GMDS: variants seen among roughly 807,000 people sequenced by gnomAD.
The protein encoded by GMDS is GDP-mannose 4,6-dehydratase, also known as GDP-mannose 4,6 dehydratase.
A neutral mutation model predicts 49.9 loss-of-function variants in GMDS; 20 were observed. The observed-to-expected ratio is 0.40, with a 90% CI of 0.28 to 0.58. The LOEUF (loss-of-function observed/expected upper bound fraction) is 0.58. GMDS is among the 20% of genes least tolerant of loss of function. The probability of loss-of-function intolerance (pLI) is 0.42; values close to 1 mark genes in which losing one functional copy is unlikely to be tolerated. For missense variants in GMDS, 362 were observed against 481.4 expected (o/e 0.75, Z 2.32); for synonymous variants, 177 against 178.6 (o/e 0.99, Z 0.07).
chr6:1,903,570 C>T (rs1249321126), intron 7 of GMDS, among the ~76,000 whole-genome samples: 1 of 152,228 alleles, frequency 6.6e-6, no homozygotes, highest in Non-Finnish European at 1.5e-5. Flanking sequence ...ATAAATCTCA[C>T]TGCATTTTTT....
At chr6:1,897,953 C>CTCCCTT (rs1561872737) in intron 7 of GMDS, among the ~76,000 whole-genome samples, 5 of 119,234 alleles carry the variant, frequency 4.2e-5, no homozygotes, top group African/African-American at 1.5e-4. Flanking sequence ...CTATCCTGGC[C>CTCCCTT]ACCCTTGCCA....
chr6:2,025,208 A>G (rs1164264148), intron 4 of GMDS, among the ~76,000 whole-genome samples: 1 of 152,138 alleles, frequency 6.6e-6, no homozygotes. Context: ...AAGACATTAA[A>G]GTTGATTTTT....
intron 4 of GMDS, among the ~76,000 whole-genome samples, chr6:1,962,555 C>T (rs1414957868): frequency 6.6e-6 from 1 of 152,170 alleles, no homozygotes; most frequent in African/African-American, 2.4e-5. Context: ...CCTACATAGA[C>T]TTGCTGTGGT....
intron 9 of GMDS, among the ~76,000 whole-genome samples, chr6:1,685,044 T>TA (rs1197317751): frequency 1.3e-5 from 2 of 150,558 alleles, no homozygotes; most frequent in Non-Finnish European, 3.0e-5. Flanking sequence ...TTACCCACCT[T>TA]AAAAAAAAGG....
intron 7 of GMDS, among the ~76,000 whole-genome samples, chr6:1,883,980 C>T (rs183870218): frequency 1.3e-3 from 194 of 152,234 alleles, no homozygotes; most frequent in Admixed American, 5.0e-3. Flanking sequence ...ATGGACAGAA[C>T]ATGGCCATCT....
rs1199208514 is a variant in GMDS at position 1,682,560 on chromosome 6, A to AT, written c.987+43855dup. ...TCTGCCCCAGTGCTGATGGCCTTTCATTTTTTTTTTTTTTTTTTTTTTTTT... is the reference window on the plus strand; with the variant it reads ...TCTGCCCCAGTGCTGATGGCCTTTCATTTTTTTTTTTTTTTTTTTTTTTTTT... On this transcript the variant is annotated intron_variant, in intron 9 of 10. Transcript: ENST00000380815. 2.5e-3 allele frequency among the ~76,000 whole-genome samples: 61 copies of AT among 24,338 alleles called. 11 individuals carry two copies. Among genetic ancestry groups the AT allele is most frequent in the East Asian group, 4.9e-3 (7 of 1,416 alleles). 16.0% of individuals were successfully genotyped at this position (24,338 alleles called of 152,430 possible).
At chr6:1,898,552 T>C (rs1393604197) in intron 7 of GMDS, among the ~76,000 whole-genome samples, 10 of 152,138 alleles carry the variant, frequency 6.6e-5, no homozygotes, top group African/African-American at 2.2e-4. Context: ...AGTTCCTAAG[T>C]CTGTAGGGGC....
intron 1 of GMDS, among the ~76,000 whole-genome samples, chr6:2,145,562 T>TA (rs1776513302): frequency 6.9e-6 from 1 of 145,774 alleles, no homozygotes; most frequent in Admixed American, 6.8e-5. Context: ...AATAAATAAA[T>TA]AAATAAAATA....
intron 9 of GMDS, among the ~76,000 whole-genome samples, chr6:1,690,904 G>C (rs1277097170): frequency 6.6e-6 from 1 of 152,214 alleles, no homozygotes; most frequent in Non-Finnish European, 1.5e-5. Context: ...CTTTTACACT[G>C]TTGGTGGGAA....
chr6:2,126,684 G>A (rs921633688), intron 1 of GMDS, among the ~76,000 whole-genome samples: 5 of 152,156 alleles, frequency 3.3e-5, no homozygotes, highest in African/African-American at 1.2e-4. Context: ...ACCCAGGCCG[G>A]AGTGCAGTGC....
Position 1,884,603 on chromosome 6 carries a change from T to C in GMDS, c.771+45500A>G, listed in dbSNP as rs536314591. 4.6e-5 allele frequency among the ~76,000 whole-genome samples: 7 copies of C among 152,368 alleles called. No homozygotes were observed. The East Asian group carries it at 9.6e-4, about 21-fold the overall frequency. On this transcript the variant is annotated intron_variant, in intron 7 of 10. Transcript: ENST00000380815. ...ATCAGAGCCTGCAGCCATTAAGTGA[T>C]AACTGAAGCAGTGGAATGCAAATAA...
chr6:2,031,009 G>C (rs1768922684), intron 4 of GMDS, among the ~76,000 whole-genome samples: 1 of 152,068 alleles, frequency 6.6e-6, no homozygotes, highest in Admixed American at 6.5e-5. Context: ...TCTACACCAG[G>C]GTCACAAATT....
At chr6:1,734,208 T>A (rs1421468924) in intron 8 of GMDS, among the ~76,000 whole-genome samples, 1 of 152,196 alleles carries the variant, frequency 6.6e-6, no homozygotes, top group African/African-American at 2.4e-5. Context: ...ATAATTATTC[T>A]AAGTAAGGGG....
intron 4 of GMDS, among the ~76,000 whole-genome samples, chr6:2,020,637 T>C (rs895722635): frequency 6.6e-6 from 1 of 151,672 alleles, no homozygotes; most frequent in Non-Finnish European, 1.5e-5. Flanking sequence ...AAAATCAAAA[T>C]CAGAGAGCCC....
At position 1,635,884 on chromosome 6, in the gene GMDS, T is replaced by G. The variant is rs951493779; in HGVS notation, c.988-11344A>C. Among the ~76,000 whole-genome samples the G allele has an allele frequency of 6.6e-6, 1 of 152,202 alleles. No individual in the cohort carries two copies. Among genetic ancestry groups the G allele is most frequent in the South Asian group, 2.1e-4 (1 of 4,832 alleles). On this transcript the variant is annotated intron_variant, in intron 9 of 10. Transcript: ENST00000380815. This position sits in a 1 kb window ranked among gnomAD's most constrained non-coding sequence, Gnocchi z 4.7. ...CACCTCCAGCACTGCGTCTGGGAGC[T>G]GCTCTTCTCTGCTCTCAGCTGGGGC...
intron 6 of GMDS, among the ~76,000 whole-genome samples, chr6:1,949,965 A>T (rs1202734233): frequency 6.6e-6 from 1 of 152,248 alleles, no homozygotes; most frequent in Non-Finnish European, 1.5e-5. Flanking sequence ...AAATACAAAC[A>T]AAATATTAAG....
intron 7 of GMDS, among the ~76,000 whole-genome samples, chr6:1,853,743 G>A (rs1757818857): frequency 6.6e-6 from 1 of 152,186 alleles, no homozygotes; most frequent in Non-Finnish European, 1.5e-5. Flanking sequence ...TAGTCTGGGA[G>A]ATAGAACCAA....
intron 4 of GMDS, among the ~76,000 whole-genome samples, chr6:2,019,792 G>A (rs1407052234): frequency 1.3e-5 from 2 of 152,088 alleles, no homozygotes; most frequent in African/African-American, 4.8e-5. Context: ...TATCATGAAA[G>A]GGTGTTTTAT....
At chr6:1,886,293 A>C (rs1383040032) in intron 7 of GMDS, among the ~76,000 whole-genome samples, 3 of 152,224 alleles carry the variant, frequency 2.0e-5, no homozygotes, top group Non-Finnish European at 4.4e-5. Flanking sequence ...TACTCTAACA[A>C]CTAAATATCA....
Sources: allele counts gnomAD v4.1 joint callset (sites outside exome capture counted in the v4.1 genomes callset), GRCh38; gene constraint gnomAD v4.1.1; non-coding constraint Gnocchi (gnomAD v3.1); transcripts MANE v1.5; gene names NCBI Gene and HGNC (gene_info 2026-07-23, HGNC 2026-07-21).